The following STAB1 variants were observed in gnomAD, a reference collection of about 807,000 sequenced individuals.
STAB1 encodes the protein stabilin-1.
STAB1 carries 250 observed loss-of-function variants against 332.4 expected under a neutral mutation model. That is an observed-to-expected ratio of 0.75 (90% CI 0.68 to 0.84). The LOEUF (loss-of-function observed/expected upper bound fraction) is 0.84, where lower values mean the gene tolerates loss of function less well. Among genes scored for constraint, STAB1 ranks in the 40% least tolerant of loss-of-function variants. STAB1 has a pLI of 0.00. For synonymous variants in STAB1, 1,475 were observed against 1,390.4 expected, an observed-to-expected ratio of 1.06 and a Z score of -1.35; for missense variants, 3,249 against 3,489.7, an observed-to-expected ratio of 0.93 and a Z score of 1.74.
chr3:52,505,573 G>T, intron 14 of STAB1, 95 bp from the exon 15 acceptor site: 1 of 1,338,164 alleles, frequency 7.5e-7, no homozygotes, highest in Non-Finnish European at 1.0e-6. Flanking sequence ...TACTCAGTGG[G>T]AGTTTCCTGC....
At position 52,516,720 on chromosome 3, in the gene STAB1, A is replaced by C. The variant is rs1267948177; in HGVS notation, c.4315A>C (p.Thr1439Pro). 6.2e-7 allele frequency: 1 copy of C among 1,611,766 alleles called. No homozygotes were observed. The change falls in exon 41 of 69, where the codon ACC becomes CCC. Residue 1439 changes from threonine (T) to proline (P), a missense_variant. Coordinates refer to ENST00000321725, the MANE Select transcript of STAB1 (RefSeq NM_015136.3). Reference protein sequence around the residue: ...NCVQDSAGASTCACAAGYSGN... With the variant: ...NCVQDSAGASPCACAAGYSGN... Reference sequence around the variant, plus strand: ...CGTGCAGGACTCGGCCGGAGCCTCCACCTGCGCCTGTGCTGCGGGATACTC... The same window carrying C: ...CGTGCAGGACTCGGCCGGAGCCTCCCCCTGCGCCTGTGCTGCGGGATACTC...
chr3:52,508,619 C>T (rs999434481), intron 21 of STAB1: 3 of 437,648 alleles, frequency 6.9e-6, no homozygotes, highest in Non-Finnish European at 1.3e-5. Flanking sequence ...GTCAGGAGTT[C>T]AAGACCAGCC....
In STAB1 at chr3:52,506,167, C is replaced by T. The variant is rs1480597062; in HGVS notation, c.1750-3C>T. ...CCTAAAGCCACACTGTCCCTTGCCC[C>T]AGCTGACCGTTGAGAAGCTCATCTC... On this transcript the variant is annotated splice_polypyrimidine_tract_variant and splice_region_variant and intron_variant, in intron 16 of 68. Transcript: ENST00000321725. 20 of 1,610,192 alleles carry T rather than the reference C, an allele frequency of 1.2e-5. No individual in the cohort carries two copies. The highest frequency in any genetic ancestry group is 1.6e-5 in the Non-Finnish European group (19 of 1,178,634).
rs761469290 is a variant in STAB1, at chr3:52,516,237, A to G, written c.4143A>G (p.Gly1381=). The G allele has an allele frequency of 1.0e-5, 11 of 1,066,694 alleles. No homozygotes were observed. Among genetic ancestry groups the G allele is most frequent in the Non-Finnish European group, 1.5e-5 (11 of 711,524 alleles). The allele number at this position is 1,066,694 out of a possible 1,614,324, so 66.1% of individuals were successfully genotyped here. A position where few individuals can be genotyped will look rare whatever the true frequency, so the allele number is the denominator to read the frequency against. ...GCCGCTACGGGCCCAACTGCACCGG[A>G]GGTGAGGACTGGGGAGGGGCGGGGG... is the stretch of plus-strand genomic sequence containing the variant. ...ELGRYGPNCT[G]VCDCAHGLCQ... is the part of the protein sequence containing the mutation. The change falls in exon 38 of 69, where the codon GGA becomes GGG. Residue 1381 remains glycine (G), a splice_region_variant and synonymous_variant. Coordinates refer to ENST00000321725, the MANE Select transcript of STAB1 (RefSeq NM_015136.3).
intron 1 of STAB1, 114 bp downstream of exon 1, chr3:52,495,605 C>T (rs914142074): frequency 2.1e-5 from 21 of 995,930 alleles, no homozygotes; most frequent in African/African-American, 1.2e-4. Context: ...CCGCAGCTGG[C>T]GCCTGTCTGG....
At chr3:52,515,528 C>A (rs1477731962) in intron 37 of STAB1, 22 bp downstream of exon 37, 1 of 1,611,884 alleles carries the variant, frequency 6.2e-7, no homozygotes, top group African/African-American at 1.3e-5. Flanking sequence ...AGCCCCCACC[C>A]CAAGCCTGTC....
In STAB1 at chr3:52,520,830, C is replaced by T. The variant is rs750444028; in HGVS notation, c.5733C>T (p.Phe1911=). Reference sequence around the variant, plus strand: ...GCAGCCCTGAGGCCTGCTGGCGCTTCTACCCGAAGTTCTGGACGTCCCCTC... The same window carrying T: ...GCAGCCCTGAGGCCTGCTGGCGCTTTTACCCGAAGTTCTGGACGTCCCCTC... ...EQGSPEACWR[F]YPKFWTSPPL... Residue 1911 remains phenylalanine, a synonymous_variant, in exon 55 of 69, where the codon TTC becomes TTT. Coordinates refer to ENST00000321725, the MANE Select transcript of STAB1 (RefSeq NM_015136.3). 5 of 1,612,724 alleles carry T rather than the reference C, an allele frequency of 3.1e-6. No individual in the cohort carries two copies. The highest frequency in any genetic ancestry group is 2.2e-5 in the South Asian group (2 of 91,096).
At position 52,519,575 on chromosome 3, in the gene STAB1, C is replaced by G. The variant is rs572565119; in HGVS notation, c.5235+11C>G. On this transcript the variant is annotated intron_variant, in intron 50 of 68. Transcript: ENST00000321725. ...AGCGGCCTCCTGAAGGTACTGCTCC[C>G]GTGTGGGCCTGTCATTGTGGACACA... 2 of 1,612,222 alleles carry G rather than the reference C, an allele frequency of 1.2e-6. No individual in the cohort carries two copies. Among genetic ancestry groups the G allele is most frequent in the Non-Finnish European group, 1.7e-6 (2 of 1,179,478 alleles).
intron 12 of STAB1, 33 bp from the exon 13 acceptor site, chr3:52,504,970 T>A (rs754697108): frequency 6.2e-7 from 1 of 1,612,936 alleles, no homozygotes; most frequent in Non-Finnish European, 8.5e-7. Context: ...GGCTGGCATA[T>A]GGGATCTGGC....
At chr3:52,501,528 C>A (rs967428606) in intron 2 of STAB1, 110 bp from the exon 3 acceptor site, 2 of 1,181,852 alleles carry the variant, frequency 1.7e-6, no homozygotes, top group South Asian at 2.9e-5. Context: ...CAGCTCTGGG[C>A]CAGGCAGAGC....
intron 26 of STAB1, 91 bp downstream of exon 26, chr3:52,511,836 C>T: frequency 1.0e-6 from 1 of 984,302 alleles, no homozygotes; most frequent in Non-Finnish European, 1.5e-6. Flanking sequence ...CTCTGGGTGT[C>T]TCTCTGTACC....
chr3:52,508,175 A>C lies in STAB1; in HGVS notation c.2149-98A>C, dbSNP rs560053176. ...AAGGGGTCCCAGAGAAACCTTATCC[A>C]CTCCGTCACTCTGGAGATGGGGCCA... On this transcript the variant is annotated intron_variant, in intron 20 of 68. Coordinates refer to ENST00000321725, the MANE Select transcript of STAB1 (RefSeq NM_015136.3). 3 of 1,371,548 alleles carry C rather than the reference A, an allele frequency of 2.2e-6. No homozygotes were observed. In the East Asian group the frequency reaches 6.9e-5, roughly 32 times the overall value. The allele number at this position is 1,371,548 out of a possible 1,614,324, so 85.0% of individuals were successfully genotyped here.
In STAB1 at chr3:52,504,189, C is replaced by T. The variant is rs112969136; in HGVS notation, c.1150+34C>T. The T allele has an allele frequency of 6.4e-6, 10 of 1,563,262 alleles. No individual in the cohort carries two copies. The East Asian group carries it at 2.1e-4, about 33-fold the overall frequency. The stretch of plus-strand genomic sequence containing the variant: ...CCCCACTGCTTGCCCACGACCCGAC[C>T]CCTCACCCCCAGCACAGTTGGCAGG... On this transcript the variant is annotated intron_variant, in intron 10 of 68. Coordinates refer to ENST00000321725, the MANE Select transcript of STAB1 (RefSeq NM_015136.3).
rs1038270390 is a variant in STAB1 at position 52,519,671 on chromosome 3, C to A, written c.5235+107C>A. 67 of 1,470,054 alleles carry A rather than the reference C, an allele frequency of 4.6e-5. No homozygotes were observed. The South Asian group carries it at 8.1e-4, about 18-fold the overall frequency. The allele number at this position is 1,470,054 out of a possible 1,614,324, so 91.1% of individuals were successfully genotyped here. A position where few individuals can be genotyped will look rare whatever the true frequency, so the allele number is the denominator to read the frequency against. ...GCATACCCACCTGTGTGCACACTGT[C>A]CCGTGTGAGCCTGTGTGAACTCATG... On this transcript the variant is annotated intron_variant, in intron 50 of 68. Transcript: ENST00000321725.
Position 52,518,606 on chromosome 3 carries a change from T to C in STAB1, c.4880T>C (p.Leu1627Pro). Residue 1627 changes from leucine to proline, a missense_variant, in exon 47 of 69, where the codon CTG (leucine) becomes CCG (proline). Physicochemically the swap from Leu to Pro is moderately conservative, Grantham distance 98. Coordinates refer to ENST00000321725, the MANE Select transcript of STAB1 (RefSeq NM_015136.3). ...FVPHADLMSN[L>P]SQDELARIRA... The stretch of plus-strand genomic sequence containing the variant: ...CCGCACGCAGATCTAATGAGCAACC[T>C]GTCGCAGGTATGCAGCCCCCAGAGC... 4 of 1,606,658 alleles carry C rather than the reference T, an allele frequency of 2.5e-6. No individual in the cohort carries two copies. The highest frequency in any genetic ancestry group is 2.5e-6 in the Non-Finnish European group (3 of 1,176,978).
At chr3:52,496,716 C>T (rs1259831439) in intron 1 of STAB1, among the ~76,000 whole-genome samples, 1 of 152,228 alleles carries the variant, frequency 6.6e-6, no homozygotes, top group Non-Finnish European at 1.5e-5. Context: ...AAGGCCTCCG[C>T]CACCTCCTCA....
In STAB1 at chr3:52,524,431, G is replaced by C; in HGVS notation, c.*75G>C. The stretch of plus-strand genomic sequence containing the variant: ...ATTGCTTGTCTGGGTGGATGGGGCA[G>C]GAGGGGCTGAGGGCCTGTCCCAGAC... On this transcript the variant is annotated 3_prime_UTR_variant, in exon 69 of 69. Coordinates refer to ENST00000321725, the MANE Select transcript of STAB1 (RefSeq NM_015136.3). The C allele has an allele frequency of 6.2e-7, 1 of 1,612,126 alleles. No homozygotes were observed. The highest frequency in any genetic ancestry group is 8.5e-7 in the Non-Finnish European group (1 of 1,179,300).
In STAB1 at chr3:52,522,758, C is replaced by CCCTCCTGTTCCTACAGCTGGGCTT. The variant is rs2079118273; in HGVS notation, c.6745-14_6754dup. 5.6e-6 allele frequency: 9 copies of CCCTCCTGTTCCTACAGCTGGGCTT among 1,612,516 alleles called. No individual in the cohort carries two copies. Among genetic ancestry groups the CCCTCCTGTTCCTACAGCTGGGCTT allele is most frequent in the African/African-American group, 1.3e-5 (1 of 74,896 alleles). On this transcript the variant is annotated splice_polypyrimidine_tract_variant and intron_variant, in intron 61 of 68. Coordinates refer to ENST00000321725, the MANE Select transcript of STAB1 (RefSeq NM_015136.3). ...TGACTGGGTCTTGGGTCTTAGTATC[C>CCCTCCTGTTCCTACAGCTGGGCTT]CCTCCTGTTCCTACAGCTGGGCTTC...
intron 22 of STAB1, chr3:52,509,549 A>G: frequency 1.7e-6 from 1 of 592,158 alleles, no homozygotes; most frequent in East Asian, 2.8e-5. Flanking sequence ...TGAGAACAGA[A>G]AGGAGATGCT....
Sources: allele counts gnomAD v4.1 joint callset (sites outside exome capture counted in the v4.1 genomes callset), GRCh38; gene constraint gnomAD v4.1.1; transcripts MANE v1.5; gene names NCBI Gene and HGNC (gene_info 2026-07-23, HGNC 2026-07-21).